Variants in MGAT4C observed in about 807,000 individuals in gnomAD.
MGAT4C encodes MGAT4 family member C.
Under a neutral mutation model 40.1 loss-of-function variants are expected in MGAT4C, and 19 were observed. The observed-to-expected ratio is 0.47, with a 90% CI of 0.33 to 0.70. The LOEUF is 0.70. Among genes scored for constraint, MGAT4C ranks in the 30% least tolerant of loss-of-function variants. The pLI, the probability that MGAT4C is intolerant of heterozygous loss-of-function variation, is 0.02. For synonymous variants in MGAT4C, 181 were observed against 187.1 expected, an observed-to-expected ratio of 0.97 and a Z score of 0.27; for missense variants, 491 against 563.2, an observed-to-expected ratio of 0.87 and a Z score of 1.30.
intron 1 of MGAT4C, among the ~76,000 whole-genome samples, chr12:86,801,565 G>A (rs1952226206): frequency 6.6e-6 from 1 of 151,790 alleles, no homozygotes; most frequent in Admixed American, 6.6e-5. Context: ...ATAGTATTAT[G>A]TCTTGGAATG....
intron 1 of MGAT4C, among the ~76,000 whole-genome samples, chr12:86,164,804 G>A (rs1420932766): frequency 6.6e-6 from 1 of 152,146 alleles, no homozygotes; most frequent in Non-Finnish European, 1.5e-5. Context: ...GAGGAAGGCA[G>A]GAGCCCACTT....
At chr12:86,294,319 G>A (rs1344605127) in intron 4 of MGAT4C, among the ~76,000 whole-genome samples, 2 of 150,992 alleles carry the variant, frequency 1.3e-5, no homozygotes, top group East Asian at 2.0e-4. Flanking sequence ...CCTAGCTTTC[G>A]TCTATCATGG....
At chr12:86,094,736 G>A (rs896454674) in intron 1 of MGAT4C, among the ~76,000 whole-genome samples, 8 of 152,000 alleles carry the variant, frequency 5.3e-5, no homozygotes, top group Non-Finnish European at 8.8e-5. Flanking sequence ...TGAAATTTGT[G>A]ATTGCTGTTT....
At chr12:86,428,030 GCAACAA>G (rs202133402) in intron 3 of MGAT4C, among the ~76,000 whole-genome samples, 2 of 150,584 alleles carry the variant, frequency 1.3e-5, no homozygotes, top group Non-Finnish European at 3.0e-5. Flanking sequence ...AAAAACAACA[GCAACAA>G]CAACAACAAC....
chr12:86,696,418 A>G (rs1950260028), intron 2 of MGAT4C, among the ~76,000 whole-genome samples: 1 of 152,202 alleles, frequency 6.6e-6, no homozygotes, highest in Non-Finnish European at 1.5e-5. Flanking sequence ...CAATTTCTTT[A>G]CAATAAATAA....
At chr12:86,335,832 T>G (rs2136177993) in intron 3 of MGAT4C, among the ~76,000 whole-genome samples, 1 of 152,256 alleles carries the variant, frequency 6.6e-6, no homozygotes, top group South Asian at 2.1e-4. Flanking sequence ...TAATCATTTA[T>G]CATGACCTAC....
At chr12:86,517,145 T>C (rs1031486365) in intron 2 of MGAT4C, among the ~76,000 whole-genome samples, 3 of 152,202 alleles carry the variant, frequency 2.0e-5, no homozygotes, top group African/African-American at 7.2e-5. Flanking sequence ...CTCAAAATGT[T>C]AAAGGTAGAG....
intron 2 of MGAT4C, among the ~76,000 whole-genome samples, chr12:86,526,498 C>G (rs547343583): frequency 2.2e-4 from 33 of 152,208 alleles, no homozygotes; most frequent in Non-Finnish European, 4.9e-4. Context: ...CTGGAGCTCT[C>G]TGCTGGTCAG....
At chr12:86,362,973 C>G (rs943215722) in intron 3 of MGAT4C, among the ~76,000 whole-genome samples, 1 of 150,938 alleles carries the variant, frequency 6.6e-6, no homozygotes, top group South Asian at 2.1e-4. Flanking sequence ...ATATAAAGAC[C>G]AAAGGGTCAA....
chr12:86,744,605 G>C (rs1020449836), intron 1 of MGAT4C, among the ~76,000 whole-genome samples: 1 of 125,486 alleles, frequency 8.0e-6, no homozygotes, highest in Admixed American at 7.6e-5. Context: ...CTCATAATGA[G>C]GTAAAAAAAA....
intron 1 of MGAT4C, among the ~76,000 whole-genome samples, chr12:86,158,961 T>G (rs960624287): frequency 2.2e-4 from 33 of 152,192 alleles, no homozygotes; most frequent in African/African-American, 8.0e-4. Context: ...TTTCTAGGTA[T>G]AGGATCATAT....
At chr12:86,506,463 C>G (rs542093601) in intron 2 of MGAT4C, among the ~76,000 whole-genome samples, 101 of 152,134 alleles carry the variant, frequency 6.6e-4, no homozygotes, top group African/African-American at 2.4e-3. Context: ...ACCCACAGAC[C>G]AAAAGCAGTA....
intron 1 of MGAT4C, among the ~76,000 whole-genome samples, chr12:86,820,262 G>T (rs1952682419): frequency 6.6e-6 from 1 of 150,676 alleles, no homozygotes; most frequent in Non-Finnish European, 1.5e-5. Flanking sequence ...ATATTTCAAA[G>T]GTTATTTCTT....
At chr12:86,655,779 CCTGT>C (rs774869965) in intron 2 of MGAT4C, among the ~76,000 whole-genome samples, 1 of 152,070 alleles carries the variant, frequency 6.6e-6, no homozygotes, top group Non-Finnish European at 1.5e-5. Context: ...CGTTTCAAAT[CCTGT>C]CTGTCACTTA....
chr12:86,516,731 C>T (rs569945637), intron 2 of MGAT4C, among the ~76,000 whole-genome samples: 13 of 152,228 alleles, frequency 8.5e-5, no homozygotes, highest in African/African-American at 3.1e-4. Context: ...TGTTAAAAGA[C>T]TTATATAAAC....
chr12:86,219,344 T>A (rs1950793079), intron 1 of MGAT4C, among the ~76,000 whole-genome samples: 2 of 133,260 alleles, frequency 1.5e-5, no homozygotes, highest in Admixed American at 1.6e-4. Flanking sequence ...TAATATGTTA[T>A]GAAAAAATGA....
intron 2 of MGAT4C, among the ~76,000 whole-genome samples, chr12:86,697,989 C>T (rs1019175625): frequency 6.6e-6 from 1 of 151,970 alleles, no homozygotes; most frequent in Admixed American, 6.6e-5. Context: ...TATATTTACC[C>T]AATCAGTACT....
chr12:86,624,509 C>A (rs577168555), intron 2 of MGAT4C, among the ~76,000 whole-genome samples: 1 of 152,232 alleles, frequency 6.6e-6, no homozygotes, highest in African/African-American at 2.4e-5. Context: ...ATTAGCTGAC[C>A]ACTAACCTAA....
At chr12:86,183,256 T>C (rs1340611439) in intron 1 of MGAT4C, among the ~76,000 whole-genome samples, 1 of 152,160 alleles carries the variant, frequency 6.6e-6, no homozygotes, top group Non-Finnish European at 1.5e-5. Flanking sequence ...TATCTTTCAA[T>C]GGACTCAGCA....
Sources: gnomAD v4.1 joint callset for allele counts (sites outside exome capture counted in the v4.1 genomes callset) on GRCh38, gnomAD v4.1.1 for gene constraint, MANE v1.5 for transcripts, NCBI Gene and HGNC (gene_info 2026-07-23, HGNC 2026-07-21) for gene names.